NCOA1: variants seen among roughly 807,000 people sequenced by gnomAD.
NCOA1 encodes the protein nuclear receptor coactivator 1.
In NCOA1, 35 loss-of-function variants were observed where a neutral mutation model predicts 150.9. The observed-to-expected ratio is 0.23, with a 90% CI of 0.18 to 0.31. NCOA1 has a LOEUF of 0.31. Ranked by LOEUF, NCOA1 falls within the 10% of genes least tolerant of loss-of-function variation. The probability of loss-of-function intolerance (pLI) is 1.00; values close to 1 mark genes in which losing one functional copy is unlikely to be tolerated. For synonymous variants in NCOA1, 590 were observed against 630.0 expected, an observed-to-expected ratio of 0.94 and a Z score of 0.95; for missense variants, 1,491 against 1,749.3, an observed-to-expected ratio of 0.85 and a Z score of 2.63.
At chr2:24,596,908 T>C (rs1667908181) in intron 3 of NCOA1, among the ~76,000 whole-genome samples, 1 of 152,196 alleles carries the variant, frequency 6.6e-6, no homozygotes, top group Non-Finnish European at 1.5e-5. Context: ...ATTTGGCTTT[T>C]CAAACTGGAA....
chr2:24,764,455 C>G (rs947638149), intron 22 of NCOA1, among the ~76,000 whole-genome samples: 1 of 152,172 alleles, frequency 6.6e-6, no homozygotes, highest in Non-Finnish European at 1.5e-5. Flanking sequence ...TAGAGCTGAG[C>G]TGAGCCTTGA....
At chr2:24,580,691 A>G (rs1667159241) in intron 2 of NCOA1, among the ~76,000 whole-genome samples, 2 of 152,016 alleles carry the variant, frequency 1.3e-5, no homozygotes, top group African/African-American at 2.4e-5. Context: ...TTGTTGTTTC[A>G]AGTATGTCTG....
At chr2:24,682,814 G>T in intron 7 of NCOA1, 137 bp from the exon 8 acceptor site, 1 of 452,144 alleles carries the variant, frequency 2.2e-6, no homozygotes, top group Non-Finnish European at 3.4e-6. Context: ...TCTCTCTCCT[G>T]CGTATCACAA....
chr2:24,761,338 T>G (rs939730407), intron 21 of NCOA1, among the ~76,000 whole-genome samples: 2 of 152,212 alleles, frequency 1.3e-5, no homozygotes, highest in African/African-American at 4.8e-5. Flanking sequence ...TTTAGAACAT[T>G]TATATTACTG....
At chr2:24,621,714 G>C (rs896767063) in intron 3 of NCOA1, among the ~76,000 whole-genome samples, 1 of 151,908 alleles carries the variant, frequency 6.6e-6, no homozygotes, top group African/African-American at 2.4e-5. Context: ...TCCAGACCTC[G>C]GGTGATCCAT....
intron 1 of NCOA1, among the ~76,000 whole-genome samples, chr2:24,530,004 A>G (rs896559360): frequency 6.6e-6 from 1 of 152,218 alleles, no homozygotes; most frequent in Non-Finnish European, 1.5e-5. Context: ...TAAATTCTCT[A>G]CTACTTCTTA....
At chr2:24,607,248 C>T (rs1477112339) in intron 3 of NCOA1, among the ~76,000 whole-genome samples, 1 of 148,990 alleles carries the variant, frequency 6.7e-6, no homozygotes, top group African/African-American at 2.5e-5. Context: ...GTTGGAATAA[C>T]AGGATATCAG....
intron 17 of NCOA1, among the ~76,000 whole-genome samples, chr2:24,735,023 G>A (rs1421022721): frequency 6.6e-6 from 1 of 151,834 alleles, no homozygotes; most frequent in Non-Finnish European, 1.5e-5. Context: ...TTCATGAGGA[G>A]GAAAAAATTA....
chr2:24,509,865 G>A (rs1375805571), intron 1 of NCOA1, among the ~76,000 whole-genome samples: 1 of 152,278 alleles, frequency 6.6e-6, no homozygotes, highest in African/African-American at 2.4e-5. Context: ...TATCTCTTTA[G>A]CTGGGTAGTG....
intron 22 of NCOA1, among the ~76,000 whole-genome samples, chr2:24,765,231 C>T (rs1383052568): frequency 1.3e-5 from 2 of 151,208 alleles, no homozygotes; most frequent in African/African-American, 2.4e-5. Context: ...GAGCCGGGTG[C>T]GGTGGCTCAC....
Position 24,649,359 on chromosome 2 carries a change from C to T in NCOA1, c.-18+5237C>T, listed in dbSNP as rs527236474. ...TACGCCTGCAAGTAAATATTAAATA[C>T]TTATATTCTTGTTTATACCAGCTGA... On this transcript the variant is annotated intron_variant, in intron 4 of 22. Transcript: ENST00000348332. Among the ~76,000 whole-genome samples the T allele has an allele frequency of 1.4e-4, 22 of 152,306 alleles. No homozygotes were observed. The East Asian group carries it at 3.9e-3, about 27-fold the overall frequency.
At chr2:24,543,890 T>C (rs1044835726) in intron 1 of NCOA1, among the ~76,000 whole-genome samples, 2 of 152,116 alleles carry the variant, frequency 1.3e-5, no homozygotes, top group Non-Finnish European at 2.9e-5. Flanking sequence ...ATCTGGTTTG[T>C]TTTTTAGAAA....
At chr2:24,623,451 T>C (rs1669267394) in intron 3 of NCOA1, among the ~76,000 whole-genome samples, 1 of 152,224 alleles carries the variant, frequency 6.6e-6, no homozygotes, top group South Asian at 2.1e-4. Flanking sequence ...ATTTTCTTTT[T>C]CTGGGCTCCA....
At chr2:24,569,994 T>A (rs1042897900) in intron 2 of NCOA1, among the ~76,000 whole-genome samples, 1 of 150,250 alleles carries the variant, frequency 6.7e-6, no homozygotes. Context: ...AGATTAGGAG[T>A]CCTTTTTTCA....
chr2:24,629,817 CAT>C (rs57598398), intron 3 of NCOA1, among the ~76,000 whole-genome samples: 8,298 of 79,300 alleles, frequency 0.1, 1,027 homozygotes, highest in African/African-American at 0.33. Context: ...AACATACATA[CAT>C]ATATATATAT....
chr2:24,664,229 A>G (rs958996857), intron 5 of NCOA1, among the ~76,000 whole-genome samples: 1 of 152,244 alleles, frequency 6.6e-6, no homozygotes, highest in Non-Finnish European at 1.5e-5. Flanking sequence ...AATAACTACA[A>G]TTGGGAAAAC....
intron 3 of NCOA1, among the ~76,000 whole-genome samples, chr2:24,610,124 C>CTATTTTTTTTTT (rs1668554964): frequency 1.1e-5 from 1 of 90,212 alleles, no homozygotes; most frequent in African/African-American, 4.3e-5. Flanking sequence ...AGGCTGCATT[C>CTATTTTTTTTTT]TTTTTTTTTT....
At chr2:24,532,968 GT>G (rs1203715277) in intron 1 of NCOA1, among the ~76,000 whole-genome samples, 1 of 152,146 alleles carries the variant, frequency 6.6e-6, no homozygotes, top group Non-Finnish European at 1.5e-5. Context: ...CTTCAAAGTA[GT>G]TTTTTCCAAT....
At chr2:24,693,475 A>G (rs984231712) in intron 10 of NCOA1, 128 bp downstream of exon 10, 5 of 735,368 alleles carry the variant, frequency 6.8e-6, no homozygotes, top group Non-Finnish European at 1.2e-5. Flanking sequence ...CTTATACAGA[A>G]AACATTTTAA....
Sources: gnomAD v4.1 joint callset for allele counts (sites outside exome capture counted in the v4.1 genomes callset) on GRCh38, gnomAD v4.1.1 for gene constraint, MANE v1.5 for transcripts, NCBI Gene and HGNC (gene_info 2026-07-23, HGNC 2026-07-21) for gene names.